PRKCZ: variants seen among roughly 807,000 people sequenced by gnomAD.
PRKCZ encodes protein kinase C zeta type.
Under a neutral mutation model 79.5 loss-of-function variants are expected in PRKCZ, and 33 were observed. The observed-to-expected ratio is 0.41, with a 90% CI of 0.31 to 0.55. The LOEUF (loss-of-function observed/expected upper bound fraction) is 0.55, where lower values mean the gene tolerates loss of function less well. Among genes scored for constraint, PRKCZ ranks in the 20% least tolerant of loss-of-function variants. The probability of loss-of-function intolerance (pLI) is 0.19; values close to 1 mark genes in which losing one functional copy is unlikely to be tolerated. For missense variants in PRKCZ, 578 were observed against 813.5 expected, an observed-to-expected ratio of 0.71 and a Z score of 3.52; for synonymous variants, 342 against 320.9, an observed-to-expected ratio of 1.07 and a Z score of -0.70.
Position 2,096,134 on chromosome 1 carries a change from C to T in PRKCZ, c.334+36543C>T, listed in dbSNP as rs533738281. On this transcript the variant is annotated intron_variant, in intron 4 of 17. Coordinates refer to ENST00000378567, the MANE Select transcript of PRKCZ (RefSeq NM_002744.6). The stretch of plus-strand genomic sequence containing the variant: ...GGAAGGCAGTCAAGCAGATGGGGAC[C>T]TCGGCTGCCCCAAGACTGGCCCGGG... 2.6e-5 allele frequency among the ~76,000 whole-genome samples: 4 copies of T among 151,754 alleles called. No homozygotes were observed. The South Asian group carries it at 8.3e-4, about 32-fold the overall frequency.
rs551454920 is a variant in PRKCZ, at chr1:2,180,473, C to A, written c.1576-4110C>A. Reference sequence around the variant, plus strand: ...TGACTCAGATGCACGGACACCCAGACGACGCGGACGCACAGACGACGCGGA... The same window carrying A: ...TGACTCAGATGCACGGACACCCAGAAGACGCGGACGCACAGACGACGCGGA... On this transcript the variant is annotated intron_variant, in intron 16 of 17. Coordinates refer to ENST00000378567, the MANE Select transcript of PRKCZ (RefSeq NM_002744.6). Among the ~76,000 whole-genome samples, 73 of 151,116 alleles carry A rather than the reference C, an allele frequency of 4.8e-4. 1 individual carries two copies. Among genetic ancestry groups the A allele is most frequent in the Non-Finnish European group, 2.7e-4 (18 of 67,806 alleles).
intron 16 of PRKCZ, among the ~76,000 whole-genome samples, chr1:2,181,468 A>G (rs982911347): frequency 2.6e-5 from 4 of 152,132 alleles, no homozygotes; most frequent in Non-Finnish European, 5.9e-5. Context: ...ATTCAAACGC[A>G]CTGCTCTGAG....
chr1:2,148,345 C>CTAT (rs1557679641), intron 7 of PRKCZ, among the ~76,000 whole-genome samples: 4 of 149,514 alleles, frequency 2.7e-5, no homozygotes, highest in Non-Finnish European at 5.9e-5. Context: ...TGTCCATCCA[C>CTAT]TGTCCACTGA....
In PRKCZ at chr1:2,165,196, T is replaced by C. The variant is rs1425630518; in HGVS notation, c.975-4322T>C. On this transcript the variant is annotated intron_variant, in intron 10 of 17. Transcript: ENST00000378567. This position sits in a 1 kb window ranked among gnomAD's most constrained non-coding sequence, Gnocchi z 4.1. ...TTTACCGCCTTTCCTCATCTGCTGG[T>C]GTCTTCCTCAGAGCTTTAATGTCCG... Among the ~76,000 whole-genome samples, 1 of 152,216 alleles carries C rather than the reference T, an allele frequency of 6.6e-6. No homozygotes were observed. The highest frequency in any genetic ancestry group is 2.4e-5 in the African/African-American group (1 of 41,456).
chr1:2,068,207 G>A (rs975273553), intron 4 of PRKCZ, among the ~76,000 whole-genome samples: 3 of 152,236 alleles, frequency 2.0e-5, no homozygotes, highest in African/African-American at 4.8e-5. Flanking sequence ...GGAGAGCATC[G>A]CTAGGGAGGG....
chr1:2,063,142 G>A (rs959088525), intron 4 of PRKCZ, among the ~76,000 whole-genome samples: 7 of 152,120 alleles, frequency 4.6e-5, no homozygotes, highest in Non-Finnish European at 7.4e-5. Context: ...CTGCTGTATG[G>A]ATGTATTTTG....
intron 4 of PRKCZ, among the ~76,000 whole-genome samples, chr1:2,116,005 C>T (rs895531417): frequency 3.3e-5 from 5 of 152,222 alleles, no homozygotes; most frequent in African/African-American, 9.7e-5. Flanking sequence ...AGTTCCAACC[C>T]GCTAGGCATT....
In PRKCZ at chr1:2,050,574, C is replaced by G. The variant is rs57743955; in HGVS notation, c.-57C>G. On this transcript the variant is annotated 5_prime_UTR_variant, in exon 1 of 18. Transcript: ENST00000378567. ...GCGGCCCCACCTGGAGCCCCCGCCC[C>G]GCGCCATGGCCGGAGCTCCCGGGGC... 2 of 1,122,992 alleles carry G rather than the reference C, an allele frequency of 1.8e-6. No homozygotes were observed. The highest frequency in any genetic ancestry group is 2.2e-6 in the Non-Finnish European group (2 of 893,372). The allele number at this position is 1,122,992 out of a possible 1,614,324, so 69.6% of individuals were successfully genotyped here.
At chr1:2,073,448 C>A (rs942902147) in intron 4 of PRKCZ, 2 of 183,682 alleles carry the variant, frequency 1.1e-5, no homozygotes, top group Non-Finnish European at 2.1e-5. Flanking sequence ...GCTGCGCTGT[C>A]CCCCACTCCC....
At chr1:2,138,284 C>T (rs1209469776) in intron 5 of PRKCZ, among the ~76,000 whole-genome samples, 6 of 152,210 alleles carry the variant, frequency 3.9e-5, no homozygotes, top group Non-Finnish European at 1.5e-5. Flanking sequence ...GACTGGGCTC[C>T]CCGCCCAGCT....
intron 11 of PRKCZ, among the ~76,000 whole-genome samples, chr1:2,171,282 C>T (rs1557732823): frequency 7.1e-6 from 1 of 140,150 alleles, no homozygotes; most frequent in Non-Finnish European, 1.5e-5. Context: ...GCAGAGCTTA[C>T]AGTGAGCCAA....
At chr1:2,053,697 G>A (rs1455149219) in intron 1 of PRKCZ, among the ~76,000 whole-genome samples, 6 of 152,202 alleles carry the variant, frequency 3.9e-5, no homozygotes, top group Non-Finnish European at 7.3e-5. Context: ...GTAGGGGCGT[G>A]GGGCAGGAAG....
At chr1:2,069,123 C>A (rs999091651) in intron 4 of PRKCZ, among the ~76,000 whole-genome samples, 1 of 152,230 alleles carries the variant, frequency 6.6e-6, no homozygotes, top group East Asian at 1.9e-4. Flanking sequence ...CTTAGTGTTC[C>A]AGCAACACCC....
intron 16 of PRKCZ, 48 bp from the exon 17 acceptor site, chr1:2,184,535 G>T: frequency 7.0e-7 from 1 of 1,429,842 alleles, no homozygotes. Context: ...CAATCTGGTA[G>T]GGATGATGCC....
At chr1:2,144,375 C>G in intron 6 of PRKCZ, 34 bp downstream of exon 6, 1 of 1,548,628 alleles carries the variant, frequency 6.5e-7, no homozygotes, top group Non-Finnish European at 8.7e-7. Context: ...CCGGGGGGCA[C>G]GGGCGGGGTC....
chr1:2,084,517 C>G (rs1458437728), intron 4 of PRKCZ, among the ~76,000 whole-genome samples: 1 of 152,172 alleles, frequency 6.6e-6, no homozygotes, highest in African/African-American at 2.4e-5. Context: ...CCGGCCGGCT[C>G]ACAGATGGGC....
intron 4 of PRKCZ, among the ~76,000 whole-genome samples, chr1:2,103,543 G>A (rs1200089253): frequency 6.6e-6 from 1 of 152,146 alleles, no homozygotes. Context: ...CATCAGTCAT[G>A]CAGTCATGTA....
rs189964066 is a variant in PRKCZ at position 2,073,985 on chromosome 1, C to T, written c.334+14394C>T. The T allele has an allele frequency of 7.6e-3, 10,693 of 1,402,652 alleles. 65 individuals are homozygous for T. Among genetic ancestry groups the T allele is most frequent in the Non-Finnish European group, 9.2e-3 (9,902 of 1,079,654 alleles). The allele number at this position is 1,402,652 out of a possible 1,614,324, so 86.9% of individuals were successfully genotyped here. ...TCCGCGCCCCCGGGGCCGGGCCAGC[C>T]GTGCTGCAGGCCCTGTGCGTGCGGA... is the stretch of plus-strand genomic sequence containing the variant. On this transcript the variant is annotated intron_variant, in intron 4 of 17. Transcript: ENST00000378567.
At chr1:2,132,503 C>CG (rs1431110207) in intron 4 of PRKCZ, among the ~76,000 whole-genome samples, 1 of 152,118 alleles carries the variant, frequency 6.6e-6, no homozygotes, top group Non-Finnish European at 1.5e-5. Context: ...TTTGGGGCTG[C>CG]GGGGGATTGA....
Sources: gnomAD v4.1 joint callset for allele counts (sites outside exome capture counted in the v4.1 genomes callset) on GRCh38, gnomAD v4.1.1 for gene constraint, Gnocchi (gnomAD v3.1) non-coding constraint, MANE v1.5 for transcripts, NCBI Gene and HGNC (gene_info 2026-07-23, HGNC 2026-07-21) for gene names.